ANP32B: variants seen among roughly 807,000 people sequenced by gnomAD.
ANP32B encodes acidic nuclear phosphoprotein 32 family member B, also known as acidic leucine-rich nuclear phosphoprotein 32 family member B.
In ANP32B, 6 loss-of-function variants were observed where a neutral mutation model predicts 32.2. The ratio of observed to expected loss-of-function variants is 0.19; its 90% CI spans 0.10 to 0.37. The LOEUF (loss-of-function observed/expected upper bound fraction) is 0.37, where lower values mean the gene tolerates loss of function less well. Ranked by LOEUF, ANP32B falls within the 10% of genes least tolerant of loss-of-function variation. The pLI, the probability that ANP32B is intolerant of heterozygous loss-of-function variation, is 1.00. For synonymous variants in ANP32B, 98 were observed against 105.8 expected (o/e 0.93, Z 0.45); for missense variants, 204 against 289.2 (o/e 0.71, Z 2.14).
At chr9:97,987,890 C>T (rs1941721910) in intron 1 of ANP32B, among the ~76,000 whole-genome samples, 4 of 152,004 alleles carry the variant, frequency 2.6e-5, no homozygotes. Flanking sequence ...ATTGGATATT[C>T]TAGTTGGTTG....
chr9:98,006,128 A>C (rs1308892278), intron 4 of ANP32B, among the ~76,000 whole-genome samples: 4 of 152,216 alleles, frequency 2.6e-5, no homozygotes, highest in African/African-American at 9.7e-5. Context: ...TGAGGTGGTG[A>C]TGCTAGCACT....
intron 2 of ANP32B, among the ~76,000 whole-genome samples, chr9:97,997,754 T>A (rs963942830): frequency 6.6e-6 from 1 of 152,214 alleles, no homozygotes; most frequent in African/African-American, 2.4e-5. Context: ...TAGCTGAGTT[T>A]TCTTGTTTGC....
At position 98,000,477 on chromosome 9, in the gene ANP32B, G is replaced by A. The variant is rs922724543; in HGVS notation, c.327+1799G>A. Among the ~76,000 whole-genome samples, 4 of 152,122 alleles carry A rather than the reference G, an allele frequency of 2.6e-5. No individual in the cohort carries two copies. In the South Asian group the frequency reaches 8.3e-4, roughly 31 times the overall value. On this transcript the variant is annotated intron_variant, in intron 3 of 6. Transcript: ENST00000339399. ...TCCAGTATTTAAGCCGACATTTACT[G>A]ACTTTTGCTGCATCCAAGGACATGA...
At chr9:97,992,975 G>A (rs1827852752) in intron 1 of ANP32B, among the ~76,000 whole-genome samples, 1 of 152,204 alleles carries the variant, frequency 6.6e-6, no homozygotes, top group African/African-American at 2.4e-5. Flanking sequence ...CAAGTTCTGA[G>A]TGGCAGAGGT....
chr9:97,998,613 C>A lies in ANP32B; in HGVS notation c.262C>A (p.Pro88Thr). 6.2e-7 allele frequency: 1 copy of A among 1,612,462 alleles called. No homozygotes were observed. Among genetic ancestry groups the A allele is most frequent in the Non-Finnish European group, 8.5e-7 (1 of 1,179,428 alleles). ...GGLDMLAEKLPNLTHLNLSGN... is the reference protein window; with the variant it reads ...GGLDMLAEKLTNLTHLNLSGN... The stretch of plus-strand genomic sequence containing the variant: ...TCTGGACATGTTAGCTGAAAAACTT[C>A]CAAATCTCACACATCTAAACTTAAG... Residue 88 changes from proline (P) to threonine (T), a missense_variant, in exon 3 of 7, where the codon CCA becomes ACA. Coordinates refer to ENST00000339399, the MANE Select transcript of ANP32B (RefSeq NM_006401.3).
At chr9:97,986,280 C>G (rs1230920739) in intron 1 of ANP32B, among the ~76,000 whole-genome samples, 3 of 152,224 alleles carry the variant, frequency 2.0e-5, no homozygotes, top group African/African-American at 7.2e-5. Context: ...CAGCACTGGC[C>G]TGCAGAATCC....
At chr9:97,996,779 T>G (rs1325427097) in intron 2 of ANP32B, among the ~76,000 whole-genome samples, 2 of 151,774 alleles carry the variant, frequency 1.3e-5, no homozygotes, top group Admixed American at 1.3e-4. Flanking sequence ...TTTTTTTTTT[T>G]GTAGAGATGG....
chr9:97,988,340 C>T (rs1181073124), intron 1 of ANP32B, among the ~76,000 whole-genome samples: 10 of 151,946 alleles, frequency 6.6e-5, no homozygotes, highest in Admixed American at 6.5e-4. Flanking sequence ...GAATGGTTCC[C>T]GTCTTTAAAT....
At chr9:97,987,730 T>G (rs1260118463) in intron 1 of ANP32B, 6 of 152,190 alleles carry the variant, frequency 3.9e-5, no homozygotes, top group Non-Finnish European at 5.9e-5. Context: ...ACTGTGACAT[T>G]TCATATACCA....
At chr9:97,993,768 T>C (rs1402514493) in intron 1 of ANP32B, among the ~76,000 whole-genome samples, 1 of 152,196 alleles carries the variant, frequency 6.6e-6, no homozygotes, top group Admixed American at 6.5e-5. Flanking sequence ...CCCAAGTAGC[T>C]GGGATTACAG....
intron 1 of ANP32B, chr9:97,987,744 T>C (rs761639913): frequency 9.2e-5 from 14 of 152,196 alleles, no homozygotes; most frequent in Non-Finnish European, 1.8e-4. Context: ...TATACCAAAA[T>C]AAAAGTCTTT....
At chr9:97,990,366 T>C (rs919835362) in intron 1 of ANP32B, among the ~76,000 whole-genome samples, 1 of 152,250 alleles carries the variant, frequency 6.6e-6, no homozygotes, top group African/African-American at 2.4e-5. Flanking sequence ...AACCTTGAAG[T>C]TGGCTGATGG....
Position 98,011,446 on chromosome 9 carries a change from G to T in ANP32B, c.636+57G>T, listed in dbSNP as rs75889481. 4 of 1,534,700 alleles carry T rather than the reference G, an allele frequency of 2.6e-6. No individual in the cohort carries two copies. The African/African-American group carries it at 5.6e-5, about 21-fold the overall frequency. On this transcript the variant is annotated intron_variant, in intron 5 of 6. Coordinates refer to ENST00000339399, the MANE Select transcript of ANP32B (RefSeq NM_006401.3). ...ATTTGTAATTACAACAAAAGTGGGG[G>T]TTTCAAAAAGATGACAAAAGAAAAG...
intron 2 of ANP32B, among the ~76,000 whole-genome samples, chr9:97,995,467 C>T (rs1305322592): frequency 6.6e-6 from 1 of 152,276 alleles, no homozygotes; most frequent in Non-Finnish European, 1.5e-5. Context: ...TAAGTTGTAC[C>T]TTTATTTAAA....
At chr9:98,008,721 T>C (rs1237703180) in intron 4 of ANP32B, among the ~76,000 whole-genome samples, 2 of 152,172 alleles carry the variant, frequency 1.3e-5, no homozygotes, top group Admixed American at 6.5e-5. Flanking sequence ...CTGTCTCTCA[T>C]TGCCCCCAGA....
intron 1 of ANP32B, among the ~76,000 whole-genome samples, chr9:97,984,197 C>A (rs1207626595): frequency 6.7e-6 from 1 of 149,852 alleles, no homozygotes; most frequent in South Asian, 2.1e-4. Context: ...CCCCCTCGGG[C>A]GCCTGGAGGC....
Position 97,989,523 on chromosome 9 carries a change from C to T in ANP32B, c.55-5108C>T, listed in dbSNP as rs537844269. ...AGTTAACTCTTGGATCAAATAGATC[C>T]CTCAGATTTAAGCACAAATGAACAA... is the stretch of plus-strand genomic sequence containing the variant. On this transcript the variant is annotated intron_variant, in intron 1 of 6. Transcript: ENST00000339399. 2.6e-5 allele frequency among the ~76,000 whole-genome samples: 4 copies of T among 152,138 alleles called. No individual in the cohort carries two copies. In the South Asian group the frequency reaches 8.3e-4, roughly 32 times the overall value.
At chr9:97,989,159 G>T (rs1306160602) in intron 1 of ANP32B, among the ~76,000 whole-genome samples, 10 of 152,104 alleles carry the variant, frequency 6.6e-5, no homozygotes, top group Admixed American at 6.5e-4. Context: ...ACTTAAAGAA[G>T]GACCTCATAG....
At chr9:97,996,375 A>C (rs926284139) in intron 2 of ANP32B, among the ~76,000 whole-genome samples, 1 of 152,204 alleles carries the variant, frequency 6.6e-6, no homozygotes, top group African/African-American at 2.4e-5. Flanking sequence ...AATTCTGAAT[A>C]GAGCTTGTTT....
Sources: allele counts gnomAD v4.1 joint callset (sites outside exome capture counted in the v4.1 genomes callset), GRCh38; gene constraint gnomAD v4.1.1; transcripts MANE v1.5; gene names NCBI Gene and HGNC (gene_info 2026-07-23, HGNC 2026-07-21).